RHBDD1: variants seen among roughly 807,000 people sequenced by gnomAD.
RHBDD1 encodes the protein rhomboid domain containing 1, also known as rhomboid-related protein 4.
A neutral mutation model predicts 36.3 loss-of-function variants in RHBDD1; 38 were observed. The ratio of observed to expected loss-of-function variants is 1.05; its 90% CI spans 0.81 to 1.37. RHBDD1 has a LOEUF of 1.37. Among genes scored for constraint, RHBDD1 ranks in the 40% most tolerant of loss-of-function variants. The probability of loss-of-function intolerance (pLI) is 0.00; values close to 1 mark genes in which losing one functional copy is unlikely to be tolerated. For missense variants in RHBDD1, 393 were observed against 377.6 expected (o/e 1.04, Z -0.34); for synonymous variants, 151 against 136.5 (o/e 1.11, Z -0.74).
the RHBDD1 span, chr2:226,807,732 C>G: frequency 6.6e-6 from 1 of 152,348 alleles, no homozygotes; most frequent in East Asian, 1.9e-4. Context: ...TTTGTAAGGA[C>G]TTTGGTTTTC....
chr2:226,921,957 A>T (rs1949341281), intron 8 of RHBDD1, among the ~76,000 whole-genome samples: 1 of 152,088 alleles, frequency 6.6e-6, no homozygotes, highest in Non-Finnish European at 1.5e-5. Flanking sequence ...CTATTATTGT[A>T]TTGGGATCGA....
intron 5 of RHBDD1, among the ~76,000 whole-genome samples, chr2:226,888,716 T>G (rs748266290): frequency 1.3e-5 from 2 of 152,214 alleles, no homozygotes; most frequent in Non-Finnish European, 2.9e-5. Flanking sequence ...CAAAGGGCAG[T>G]GAAGAACTCT....
chr2:226,864,264 A>G (rs1944120374), intron 3 of RHBDD1, among the ~76,000 whole-genome samples: 1 of 152,142 alleles, frequency 6.6e-6, no homozygotes, highest in African/African-American at 2.4e-5. Context: ...TCTGAGTAGA[A>G]ATCATTTAAT....
chr2:226,974,225 T>TTTTTATTTTATTTTATTTTATTTTA (rs145186235), intron 8 of RHBDD1, among the ~76,000 whole-genome samples: 14 of 148,260 alleles, frequency 9.4e-5, no homozygotes, highest in African/African-American at 3.0e-4. Context: ...TGTTGCCCTT[T>TTTTTATTTTATTTTATTTTATTTTA]TTTTATTTTA....
intron 5 of RHBDD1, among the ~76,000 whole-genome samples, chr2:226,906,269 C>G (rs1049163322): frequency 1.3e-5 from 2 of 152,166 alleles, no homozygotes; most frequent in African/African-American, 2.4e-5. Flanking sequence ...CACATGAAGA[C>G]AACTTTGGTG....
At chr2:226,866,506 G>A (rs774304233) in intron 4 of RHBDD1, among the ~76,000 whole-genome samples, 3 of 152,212 alleles carry the variant, frequency 2.0e-5, no homozygotes, top group Non-Finnish European at 2.9e-5. Flanking sequence ...TACCCAGCTC[G>A]GAAGCGATGG....
chr2:226,829,194 T>G, the RHBDD1 span, among the ~76,000 whole-genome samples: 6 of 152,172 alleles, frequency 3.9e-5, no homozygotes, highest in East Asian at 1.2e-3. Context: ...ACTGACCACA[T>G]AGGGGGTTAT....
intron 8 of RHBDD1, among the ~76,000 whole-genome samples, chr2:226,958,652 C>T (rs1951953533): frequency 6.7e-6 from 1 of 149,984 alleles, no homozygotes; most frequent in Admixed American, 6.7e-5. Flanking sequence ...CTGAAGTTTA[C>T]TATATGGTAT....
At chr2:226,862,480 C>G (rs1243694201) in intron 3 of RHBDD1, among the ~76,000 whole-genome samples, 1 of 151,728 alleles carries the variant, frequency 6.6e-6, no homozygotes, top group Non-Finnish European at 1.5e-5. Flanking sequence ...ACAGAGAAAG[C>G]AGAAACCATT....
chr2:226,851,033 A>G lies in RHBDD1; in HGVS notation c.-91+11406A>G, dbSNP rs551769474. ...CTTAACTCCTTTGAAACAAGGAACAAGAAGTGTGCCCTATGCCTTTCTTTC... is the reference window on the plus strand; with the variant it reads ...CTTAACTCCTTTGAAACAAGGAACAGGAAGTGTGCCCTATGCCTTTCTTTC... On this transcript the variant is annotated intron_variant, in intron 3 of 8. Transcript: ENST00000392062. Among the ~76,000 whole-genome samples, 4 of 152,282 alleles carry G rather than the reference A, an allele frequency of 2.6e-5. No individual in the cohort carries two copies. The South Asian group carries it at 8.3e-4, about 32-fold the overall frequency.
intron 8 of RHBDD1, among the ~76,000 whole-genome samples, chr2:226,992,252 GCACA>G (rs1282873450): frequency 6.6e-6 from 1 of 152,208 alleles, no homozygotes; most frequent in African/African-American, 2.4e-5. Context: ...CCAACGCAGA[GCACA>G]CACACAGTAG....
At chr2:226,806,346 G>C in the RHBDD1 span, among the ~76,000 whole-genome samples, 1 of 149,716 alleles carries the variant, frequency 6.7e-6, no homozygotes, top group Admixed American at 6.6e-5. Flanking sequence ...TCCCACCTCT[G>C]ATCCTTCTAA....
chr2:226,984,259 T>C (rs895210180), intron 8 of RHBDD1, among the ~76,000 whole-genome samples: 1 of 152,244 alleles, frequency 6.6e-6, no homozygotes, highest in African/African-American at 2.4e-5. Flanking sequence ...AATACTACCA[T>C]GGACCCGGTG....
chr2:226,919,782 C>T lies in RHBDD1; in HGVS notation c.856+5431C>T, dbSNP rs144056336. On this transcript the variant is annotated intron_variant, in intron 8 of 8. Coordinates refer to ENST00000392062, the MANE Select transcript of RHBDD1 (RefSeq NM_001167608.3). ...GATCCTTCCAGTTTGCTTCTTTCTG[C>T]TCGGGATAGCTTTGGCTATTCTTGG... 2.1e-4 allele frequency among the ~76,000 whole-genome samples: 32 copies of T among 152,044 alleles called. 1 individual carries two copies. Among genetic ancestry groups the T allele is most frequent in the African/African-American group, 6.7e-4 (28 of 41,528 alleles).
intron 3 of RHBDD1, among the ~76,000 whole-genome samples, chr2:226,864,029 G>A (rs1039659519): frequency 6.6e-6 from 1 of 152,102 alleles, no homozygotes; most frequent in African/African-American, 2.4e-5. Context: ...TTCAACCCAG[G>A]ATTTGGCTTG....
the RHBDD1 span, among the ~76,000 whole-genome samples, chr2:226,805,485 T>G: frequency 6.6e-6 from 1 of 152,238 alleles, no homozygotes; most frequent in African/African-American, 2.4e-5. Flanking sequence ...AGTGCTGGGA[T>G]TATAGGCGTG....
chr2:226,840,665 T>G (rs1021070229), intron 3 of RHBDD1, among the ~76,000 whole-genome samples: 2 of 152,206 alleles, frequency 1.3e-5, no homozygotes, highest in Non-Finnish European at 2.9e-5. Flanking sequence ...CCCCAGATCT[T>G]CTGGCATTAG....
At chr2:226,884,224 T>C (rs911084442) in intron 5 of RHBDD1, among the ~76,000 whole-genome samples, 1 of 152,098 alleles carries the variant, frequency 6.6e-6, no homozygotes, top group African/African-American at 2.4e-5. Context: ...TATTAAGTGA[T>C]TTTTAGTTAA....
chr2:226,994,930 G>T (rs1959068488), intron 8 of RHBDD1, among the ~76,000 whole-genome samples: 1 of 152,090 alleles, frequency 6.6e-6, no homozygotes, highest in Non-Finnish European at 1.5e-5. Context: ...CTCTGCTCCA[G>T]TGGTTGCTTG....
Sources: allele counts gnomAD v4.1 joint callset (sites outside exome capture counted in the v4.1 genomes callset), GRCh38; gene constraint gnomAD v4.1.1; transcripts MANE v1.5; gene names NCBI Gene and HGNC (gene_info 2026-07-23, HGNC 2026-07-21).